The following DPY19L1 variants were observed in gnomAD, a reference collection of about 807,000 sequenced individuals.
DPY19L1 encodes the protein dpy-19 like C-mannosyltransferase 1.
In DPY19L1, 35 loss-of-function variants were observed where a neutral mutation model predicts 96.9. The ratio of observed to expected loss-of-function variants is 0.36; its 90% CI spans 0.28 to 0.48. The LOEUF (loss-of-function observed/expected upper bound fraction) is 0.48, where lower values mean the gene tolerates loss of function less well. Among genes scored for constraint, DPY19L1 ranks in the 20% least tolerant of loss-of-function variants. The pLI is 0.99. For missense variants in DPY19L1, 521 were observed against 777.9 expected, an observed-to-expected ratio of 0.67 and a Z score of 3.93; for synonymous variants, 205 against 252.6, an observed-to-expected ratio of 0.81 and a Z score of 1.79.
intron 1 of DPY19L1, among the ~76,000 whole-genome samples, chr7:35,033,516 T>C (rs534137402): frequency 6.6e-6 from 1 of 152,178 alleles, no homozygotes; most frequent in African/African-American, 2.4e-5. Flanking sequence ...TTACATGTAT[T>C]ATCTCATTTA....
chr7:35,035,710 G>T (rs1786377644), intron 1 of DPY19L1, among the ~76,000 whole-genome samples: 1 of 152,166 alleles, frequency 6.6e-6, no homozygotes, highest in Non-Finnish European at 1.5e-5. Context: ...GTGGATCCCT[G>T]TGGAGTAAAT....
chr7:34,942,786 C>G (rs945519790), intron 16 of DPY19L1, 147 bp from the exon 17 acceptor site: 17 of 649,914 alleles, frequency 2.6e-5, no homozygotes, highest in Non-Finnish European at 4.0e-5. Context: ...AACTAAAAGT[C>G]ACATGCCAAA....
At chr7:35,016,576 G>A (rs909936388) in intron 3 of DPY19L1, among the ~76,000 whole-genome samples, 1 of 152,170 alleles carries the variant, frequency 6.6e-6, no homozygotes. Flanking sequence ...GTTTGAGAAG[G>A]ATAATGAAAT....
chr7:35,019,240 A>G (rs1314276200), intron 1 of DPY19L1, among the ~76,000 whole-genome samples: 2 of 152,182 alleles, frequency 1.3e-5, no homozygotes, highest in Non-Finnish European at 2.9e-5. Context: ...TTCTGATTAA[A>G]TAACTCTTAA....
chr7:34,950,972 A>C (rs574641537), intron 13 of DPY19L1, among the ~76,000 whole-genome samples: 2 of 152,260 alleles, frequency 1.3e-5, no homozygotes, highest in South Asian at 2.1e-4. Flanking sequence ...AAACAGAAGA[A>C]TGGAAGAAGA....
Position 34,973,527 on chromosome 7 carries a change from T to A in DPY19L1, c.901A>T (p.Thr301Ser). The A allele has an allele frequency of 6.5e-7, 1 of 1,533,968 alleles. No homozygotes were observed. The highest frequency in any genetic ancestry group is 8.8e-7 in the Non-Finnish European group (1 of 1,140,826). The change falls in exon 8 of 22, where the codon ACT (threonine) becomes TCT (serine). Residue 301 changes from threonine (T) to serine (S), a missense_variant. Thr to Ser is a moderately conservative substitution (Grantham distance 58). Coordinates refer to ENST00000638088, the MANE Select transcript of DPY19L1 (RefSeq NM_001366673.1). The part of the protein sequence containing the change: ...PFLVLQMLLV[T>S]HILRATKLYR... The stretch of plus-strand genomic sequence containing the variant: ...AGTCAAAGTTACCTGAGAATATGAG[T>A]CACTAGCAACATCTGAAGAACAAGA...
At chr7:34,944,400 A>AG (rs1784096883) in intron 16 of DPY19L1, among the ~76,000 whole-genome samples, 1 of 151,212 alleles carries the variant, frequency 6.6e-6, no homozygotes, top group Non-Finnish European at 1.5e-5. Flanking sequence ...ATTAAAAAAA[A>AG]GAAAATATAG....
intron 1 of DPY19L1, among the ~76,000 whole-genome samples, chr7:35,024,978 T>TA: frequency 6.6e-6 from 1 of 152,324 alleles, no homozygotes; most frequent in South Asian, 2.1e-4. Context: ...TGCACTCAAT[T>TA]AAACAAAAAT....
chr7:34,930,031 A>G lies in DPY19L1; in HGVS notation c.*1542T>C, dbSNP rs971241045. ...GTCAGCAAGCTGCTGCTTCCCCGGG[A>G]CCAGGCCTGCCCTTGGGCTCTGGTA... On this transcript the variant is annotated 3_prime_UTR_variant, in exon 22 of 22. Coordinates refer to ENST00000638088, the MANE Select transcript of DPY19L1 (RefSeq NM_001366673.1). 3 of 152,266 alleles carry G rather than the reference A, an allele frequency of 2.0e-5. No homozygotes were observed. Among genetic ancestry groups the G allele is most frequent in the Non-Finnish European group, 4.4e-5 (3 of 68,134 alleles). The allele number at this position is 152,266 out of a possible 1,614,324, so 9.4% of individuals were successfully genotyped here.
rs190786465 is a variant in DPY19L1, at chr7:34,945,760, A to T, written c.1495-44T>A. 3.2e-4 allele frequency: 427 copies of T among 1,336,734 alleles called. 3 individuals are homozygous for T. The East Asian group carries it at 9.3e-3, about 29-fold the overall frequency. 82.8% of individuals were successfully genotyped at this position (1,336,734 alleles called of 1,614,324 possible). Reference sequence around the variant, plus strand: ...ACACTTTAGAAAAGCTGTGTTGGGAAAAATGATATTTTAAATAAAGTATCT... The same window carrying T: ...ACACTTTAGAAAAGCTGTGTTGGGATAAATGATATTTTAAATAAAGTATCT... On this transcript the variant is annotated intron_variant, in intron 15 of 21. Coordinates refer to ENST00000638088, the MANE Select transcript of DPY19L1 (RefSeq NM_001366673.1).
intron 1 of DPY19L1, among the ~76,000 whole-genome samples, chr7:35,030,126 A>G (rs1023996063): frequency 6.6e-6 from 1 of 152,260 alleles, no homozygotes; most frequent in East Asian, 1.9e-4. Context: ...AAACAATTAC[A>G]TAAGAACTTT....
intron 6 of DPY19L1, among the ~76,000 whole-genome samples, chr7:34,997,716 C>A (rs1369181691): frequency 6.7e-6 from 1 of 150,240 alleles, no homozygotes; most frequent in African/African-American, 2.5e-5. Context: ...GTATAAGCAG[C>A]AAATGCTTGA....
intron 1 of DPY19L1, among the ~76,000 whole-genome samples, chr7:35,028,449 T>C (rs1408247509): frequency 6.6e-6 from 1 of 152,266 alleles, no homozygotes; most frequent in Non-Finnish European, 1.5e-5. Flanking sequence ...TAAATATGTA[T>C]ATATGTACAG....
intron 15 of DPY19L1, among the ~76,000 whole-genome samples, chr7:34,946,017 C>T (rs1227546269): frequency 6.6e-6 from 1 of 152,202 alleles, no homozygotes; most frequent in Non-Finnish European, 1.5e-5. Context: ...AGTCTTGAAA[C>T]CAGATCTTCT....
intron 6 of DPY19L1, among the ~76,000 whole-genome samples, chr7:35,006,143 C>T (rs962404755): frequency 6.6e-6 from 1 of 152,166 alleles, no homozygotes; most frequent in African/African-American, 2.4e-5. Flanking sequence ...TGTTTGCACT[C>T]ATCCTTACAT....
At chr7:34,965,930 G>C (rs933962317) in intron 10 of DPY19L1, among the ~76,000 whole-genome samples, 1 of 152,020 alleles carries the variant, frequency 6.6e-6, no homozygotes, top group African/African-American at 2.4e-5. Context: ...TTCTCAAGAA[G>C]ACCTGCCCTG....
chr7:34,957,955 C>G, intron 11 of DPY19L1, 29 bp downstream of exon 11: 1 of 1,422,100 alleles, frequency 7.0e-7, no homozygotes, highest in East Asian at 2.3e-5. Context: ...GTTTCAAAAA[C>G]AGCCATATAA....
At chr7:35,032,791 G>T (rs1423097344) in intron 1 of DPY19L1, among the ~76,000 whole-genome samples, 1 of 152,004 alleles carries the variant, frequency 6.6e-6, no homozygotes, top group East Asian at 1.9e-4. Flanking sequence ...AGCCAAAAAT[G>T]TACAAAGTAT....
At chr7:34,947,753 A>G in intron 14 of DPY19L1, 52 bp from the exon 15 acceptor site, 1 of 1,439,978 alleles carries the variant, frequency 6.9e-7, no homozygotes, top group South Asian at 1.2e-5. Context: ...ACCAAACAAA[A>G]TTTCATTTCA....
Sources: allele counts gnomAD v4.1 joint callset (sites outside exome capture counted in the v4.1 genomes callset), GRCh38; gene constraint gnomAD v4.1.1; transcripts MANE v1.5; gene names NCBI Gene and HGNC (gene_info 2026-07-23, HGNC 2026-07-21).